CA13: variants seen among roughly 807,000 people sequenced by gnomAD.
CA13 encodes carbonic anhydrase 13.
CA13 carries 21 observed loss-of-function variants against 31.5 expected under a neutral mutation model. The observed-to-expected ratio is 0.67, with a 90% confidence interval of 0.47 to 0.96. The LOEUF (loss-of-function observed/expected upper bound fraction) is 0.96. Ranked by LOEUF, CA13 falls within the 40% of genes least tolerant of loss-of-function variation. The probability of loss-of-function intolerance (pLI) is 0.00; values close to 1 mark genes in which losing one functional copy is unlikely to be tolerated. For synonymous variants in CA13, 117 were observed against 111.4 expected (o/e 1.05, Z -0.32); for missense variants, 315 against 318.9 (o/e 0.99, Z 0.09).
chr8:85,254,467 C>T (rs1587535166), intron 2 of CA13, among the ~76,000 whole-genome samples: 1 of 152,026 alleles, frequency 6.6e-6, no homozygotes, highest in Non-Finnish European at 1.5e-5. Context: ...CTCTTCCTTT[C>T]ATTTTCCTTC....
In CA13 at chr8:85,250,904, A is replaced by C. The variant is rs1813814609; in HGVS notation, c.202A>C (p.Asn68His). ...CATCAGCAACAGCGGCCATTCCTTC[A>C]ATGTTGACTTTGATGACACAGAGAA... Reference protein sequence around the residue: ...KIISNSGHSFNVDFDDTENKS... With the variant: ...KIISNSGHSFHVDFDDTENKS... The change falls in exon 2 of 7, where the codon AAT (asparagine) becomes CAT (histidine). Residue 68 changes from asparagine (N) to histidine (H), a missense_variant. By Grantham distance (68) the Asn-to-His change is moderately conservative. Transcript: ENST00000321764. The C allele has an allele frequency of 3.1e-6, 5 of 1,613,942 alleles. No homozygotes were observed. Among genetic ancestry groups the C allele is most frequent in the Non-Finnish European group, 4.2e-6 (5 of 1,179,970 alleles).
intron 6 of CA13, among the ~76,000 whole-genome samples, chr8:85,276,130 G>A (rs1807601874): frequency 6.6e-6 from 1 of 152,200 alleles, no homozygotes; most frequent in African/African-American, 2.4e-5. Flanking sequence ...CCGGGTGGGC[G>A]TGGGCTCGGT....
At chr8:85,256,515 C>T (rs1807299410) in intron 2 of CA13, among the ~76,000 whole-genome samples, 1 of 152,060 alleles carries the variant, frequency 6.6e-6, no homozygotes, top group African/African-American at 2.4e-5. Context: ...AGGTAACTGC[C>T]TGAAGTCAAA....
chr8:85,258,319 T>A (rs1210781441), intron 2 of CA13, among the ~76,000 whole-genome samples: 1 of 152,164 alleles, frequency 6.6e-6, no homozygotes, highest in Admixed American at 6.5e-5. Flanking sequence ...ATACTTAAGA[T>A]ATGATTTATT....
intron 3 of CA13, among the ~76,000 whole-genome samples, chr8:85,266,387 A>G (rs996717570): frequency 6.6e-6 from 1 of 152,154 alleles, no homozygotes; most frequent in African/African-American, 2.4e-5. Context: ...ATAGTCTTTA[A>G]TATAGTGGAC....
chr8:85,251,048 C>T (rs747806417), intron 2 of CA13, 111 bp downstream of exon 2: 1 of 939,276 alleles, frequency 1.1e-6, no homozygotes. Context: ...TGTCGCCAGG[C>T]TGAAGTGTAG....
At chr8:85,271,188 A>G (rs1021129212) in intron 6 of CA13, among the ~76,000 whole-genome samples, 1 of 152,262 alleles carries the variant, frequency 6.6e-6, no homozygotes, top group East Asian at 1.9e-4. Context: ...GGCAAAACCC[A>G]GTCAGGGGAC....
chr8:85,246,649 A>G (rs1813736919), intron 1 of CA13: 3 of 371,844 alleles, frequency 8.1e-6, no homozygotes, highest in Admixed American at 6.9e-5. Flanking sequence ...TCAAAAGTAA[A>G]ACATTTTTTC....
rs1019591587 is a variant in CA13 at position 85,245,786 on chromosome 8, G to C, written c.-43G>C. The C allele has an allele frequency of 2.5e-6, 4 of 1,610,334 alleles. No homozygotes were observed. The highest frequency in any genetic ancestry group is 2.7e-5 in the African/African-American group (2 of 74,802). On this transcript the variant is annotated 5_prime_UTR_variant, in exon 1 of 7. Coordinates refer to ENST00000321764, the MANE Select transcript of CA13 (RefSeq NM_198584.3). ...CCCTCCCCGCTCCCTCCTCTTTCTCGCTGCTCAGTCACATCTTTCTCTTCC... is the reference window on the plus strand; with the variant it reads ...CCCTCCCCGCTCCCTCCTCTTTCTCCCTGCTCAGTCACATCTTTCTCTTCC...
At chr8:85,264,233 T>C (rs1046066733) in intron 3 of CA13, among the ~76,000 whole-genome samples, 5 of 152,228 alleles carry the variant, frequency 3.3e-5, no homozygotes, top group Non-Finnish European at 5.9e-5. Context: ...ATTTCAACAT[T>C]CATCATGGAT....
intron 2 of CA13, among the ~76,000 whole-genome samples, chr8:85,251,147 G>A (rs978262720): frequency 5.9e-5 from 9 of 152,038 alleles, no homozygotes; most frequent in East Asian, 5.8e-4. Context: ...GATTACAGGC[G>A]CACGCCACTA....
intron 4 of CA13, 52 bp from the exon 5 acceptor site, chr8:85,267,850 T>G (rs1807477459): frequency 2.7e-6 from 3 of 1,115,848 alleles, no homozygotes; most frequent in Non-Finnish European, 4.0e-6. Context: ...ATTGAGTGAT[T>G]CAGACTTGAT....
At chr8:85,276,326 G>T (rs1807606976) in intron 6 of CA13, among the ~76,000 whole-genome samples, 1 of 152,214 alleles carries the variant, frequency 6.6e-6, no homozygotes, top group Non-Finnish European at 1.5e-5. Context: ...GTGGGCTCCT[G>T]TGCGGCCCGA....
chr8:85,249,320 T>C (rs1445333918), intron 1 of CA13, among the ~76,000 whole-genome samples: 1 of 152,000 alleles, frequency 6.6e-6, no homozygotes, highest in African/African-American at 2.4e-5. Flanking sequence ...AGTGAGACTT[T>C]CAACAAAAAA....
Position 85,245,846 on chromosome 8 carries a change from G to C in CA13, c.18G>C (p.Trp6Cys). The stretch of plus-strand genomic sequence containing the variant: ...GAGGGACCATGTCGAGGCTCAGCTG[G>C]GGATACCGCGAGCACAACGGTGAGC... MSRLSWGYREHNGPIH... is the reference protein window; with the variant it reads MSRLSCGYREHNGPIH... Residue 6 changes from tryptophan (W) to cysteine (C), a missense_variant, in exon 1 of 7, where the codon TGG becomes TGC. Trp to Cys is a radical substitution (Grantham distance 215, BLOSUM62 -2). Transcript: ENST00000321764. 1 of 1,614,144 alleles carries C rather than the reference G, an allele frequency of 6.2e-7. No homozygotes were observed. The highest frequency in any genetic ancestry group is 8.5e-7 in the Non-Finnish European group (1 of 1,180,010).
chr8:85,281,207 C>A (rs995411572), intron 6 of CA13, 23 bp from the exon 7 acceptor site: 6 of 1,606,902 alleles, frequency 3.7e-6, no homozygotes, highest in Non-Finnish European at 5.1e-6. Context: ...TATGCTGAAG[C>A]TAACTCTTTT....
chr8:85,258,997 G>A (rs1395447786), intron 2 of CA13, among the ~76,000 whole-genome samples: 1 of 151,952 alleles, frequency 6.6e-6, no homozygotes, highest in Non-Finnish European at 1.5e-5. Flanking sequence ...ATGAGTGTAG[G>A]CCTTCTAACT....
rs1325028679 is a variant in CA13, at chr8:85,280,260, C to CA, written c.670-969dup. Among the ~76,000 whole-genome samples, 14 of 152,144 alleles carry CA rather than the reference C, an allele frequency of 9.2e-5. 1 individual carries two copies. Among genetic ancestry groups the CA allele is most frequent in the Admixed American group, 6.6e-5 (1 of 15,264 alleles). Reference sequence around the variant, plus strand: ...CTGCCATTGCACTCTAGCCTGGTGACACAGCAAGACTCTGTCTCAAAAAAC... The same window carrying CA: ...CTGCCATTGCACTCTAGCCTGGTGACAACAGCAAGACTCTGTCTCAAAAAAC... On this transcript the variant is annotated intron_variant, in intron 6 of 6. Coordinates refer to ENST00000321764, the MANE Select transcript of CA13 (RefSeq NM_198584.3).
intron 4 of CA13, among the ~76,000 whole-genome samples, chr8:85,267,043 T>C (rs991462326): frequency 6.6e-6 from 1 of 152,254 alleles, no homozygotes; most frequent in Non-Finnish European, 1.5e-5. Context: ...CTCCTGATTC[T>C]TGAAACACTG....
Sources: gnomAD v4.1 joint callset for allele counts (sites outside exome capture counted in the v4.1 genomes callset) on GRCh38, gnomAD v4.1.1 for gene constraint, MANE v1.5 for transcripts, NCBI Gene and HGNC (gene_info 2026-07-23, HGNC 2026-07-21) for gene names.